GRIN2A: variants seen among roughly 807,000 people sequenced by gnomAD.
The protein encoded by GRIN2A is glutamate receptor ionotropic, NMDA 2A.
Under a neutral mutation model 113.4 loss-of-function variants are expected in GRIN2A, and 22 were observed. The observed-to-expected ratio is 0.19, with a 90% CI of 0.14 to 0.28. The LOEUF (loss-of-function observed/expected upper bound fraction) is 0.28, where lower values mean the gene tolerates loss of function less well. Among genes scored for constraint, GRIN2A ranks in the 10% least tolerant of loss-of-function variants. The probability of loss-of-function intolerance (pLI) is 1.00; values close to 1 mark genes in which losing one functional copy is unlikely to be tolerated. For synonymous variants in GRIN2A, 827 were observed against 738.4 expected (o/e 1.12, Z -1.94); for missense variants, 1,502 against 1,887.0 (o/e 0.80, Z 3.78).
Position 9,790,482 on chromosome 16 carries a change from C to T in GRIN2A, c.2356+7795G>A, listed in dbSNP as rs1012291365. On this transcript the variant is annotated intron_variant, in intron 11 of 12. Coordinates refer to ENST00000330684, the MANE Select transcript of GRIN2A (RefSeq NM_001134407.3). ...ATATATAATTCTGTTGGTTATATGC[C>T]TCATATTGCACATATTAAATATGTG... Among the ~76,000 whole-genome samples the T allele has an allele frequency of 2.0e-5, 3 of 152,086 alleles. No homozygotes were observed. In the East Asian group the frequency reaches 5.8e-4, roughly 29 times the overall value.
intron 2 of GRIN2A, chr16:10,111,622 G>A (rs1468147377): frequency 5.7e-5 from 79 of 1,388,878 alleles, no homozygotes; most frequent in Non-Finnish European, 7.1e-5. Context: ...CATGGCCATC[G>A]CGATGGCTCT....
chr16:10,052,021 C>T (rs992097519), intron 2 of GRIN2A, among the ~76,000 whole-genome samples: 1 of 152,204 alleles, frequency 6.6e-6, no homozygotes, highest in Admixed American at 6.5e-5. Context: ...TTACTGAAGA[C>T]TTCAAGGGGG....
At chr16:9,925,611 G>A (rs1427860729) in intron 3 of GRIN2A, among the ~76,000 whole-genome samples, 2 of 152,144 alleles carry the variant, frequency 1.3e-5, no homozygotes, top group Non-Finnish European at 2.9e-5. Flanking sequence ...CTCTCAAGGT[G>A]GTGAGTGGAG....
intron 2 of GRIN2A, among the ~76,000 whole-genome samples, chr16:9,983,277 G>A (rs775857047): frequency 4.6e-5 from 7 of 152,096 alleles, no homozygotes; most frequent in African/African-American, 1.7e-4. Context: ...CTGGCCTCTA[G>A]TAACCACTAA....
intron 2 of GRIN2A, among the ~76,000 whole-genome samples, chr16:9,949,019 G>C (rs1449833972): frequency 6.6e-6 from 1 of 152,142 alleles, no homozygotes; most frequent in Non-Finnish European, 1.5e-5. Context: ...ATGAGCAAGA[G>C]CTCCATGAAC....
chr16:9,794,419 G>C (rs1902835398), intron 11 of GRIN2A, among the ~76,000 whole-genome samples: 1 of 152,214 alleles, frequency 6.6e-6, no homozygotes, highest in Non-Finnish European at 1.5e-5. Context: ...TCAGCACTGT[G>C]CTCTTTACAC....
chr16:10,106,725 G>A lies in GRIN2A; in HGVS notation c.414+73273C>T, dbSNP rs139785365. On this transcript the variant is annotated intron_variant, in intron 2 of 12. Transcript: ENST00000330684. ...GCATTCCACGGACTTTGGGGAAGTT[G>A]GCTCCTTCACTTCTAGAGAAAAAAG... Among the ~76,000 whole-genome samples the A allele has an allele frequency of 2.3e-3, 349 of 152,268 alleles. 2 individuals carry two copies. The highest frequency in any genetic ancestry group is 8.1e-3 in the African/African-American group (337 of 41,540).
At chr16:10,130,544 A>G (rs1449834510) in intron 2 of GRIN2A, among the ~76,000 whole-genome samples, 1 of 152,132 alleles carries the variant, frequency 6.6e-6, no homozygotes, top group African/African-American at 2.4e-5. Context: ...CATCCTATTC[A>G]CTTTCTCCCC....
intron 2 of GRIN2A, among the ~76,000 whole-genome samples, chr16:10,133,903 C>A (rs1247644374): frequency 6.6e-6 from 1 of 152,118 alleles, no homozygotes; most frequent in Non-Finnish European, 1.5e-5. Context: ...GTTAGGCAGT[C>A]CGGATGCAGT....
rs115213041 is a variant in GRIN2A, at chr16:10,046,185, G to C, written c.415-107634C>G. On this transcript the variant is annotated intron_variant, in intron 2 of 12. Transcript: ENST00000330684. ...GTGGCATGAGAGGAAGTCATATTGA[G>C]GCCTTTTGAGAAATGTTCTCTCACT... 2.7e-3 allele frequency among the ~76,000 whole-genome samples: 409 copies of C among 152,160 alleles called. 3 individuals are homozygous for C. The highest frequency in any genetic ancestry group is 9.6e-3 in the African/African-American group (397 of 41,500).
intron 9 of GRIN2A, among the ~76,000 whole-genome samples, chr16:9,826,462 A>G (rs2042389354): frequency 6.6e-6 from 1 of 152,204 alleles, no homozygotes; most frequent in South Asian, 2.1e-4. Context: ...ATTTCACAGC[A>G]AGCACTAATG....
In GRIN2A at chr16:9,953,148, G is replaced by C. The variant is rs190916265; in HGVS notation, c.415-14597C>G. ...GAAAAGAGAGAAAGATCTGAACTAG[G>C]ATTGCTGCAATACAGATACACAAAA... On this transcript the variant is annotated intron_variant, in intron 2 of 12. Transcript: ENST00000330684. 3.7e-3 allele frequency among the ~76,000 whole-genome samples: 567 copies of C among 152,264 alleles called. 5 individuals are homozygous for C. The highest frequency in any genetic ancestry group is 6.8e-3 in the Middle Eastern group (2 of 294).
intron 8 of GRIN2A, among the ~76,000 whole-genome samples, chr16:9,830,037 C>T (rs2042460718): frequency 6.6e-6 from 1 of 152,220 alleles, no homozygotes; most frequent in African/African-American, 2.4e-5. Context: ...GGGACTGCTT[C>T]CAAATTCATC....
At chr16:9,829,928 G>A (rs1206042091) in intron 8 of GRIN2A, among the ~76,000 whole-genome samples, 2 of 152,180 alleles carry the variant, frequency 1.3e-5, no homozygotes, top group East Asian at 1.9e-4. Context: ...GTTTGAATAA[G>A]TAGTGTTATG....
intron 2 of GRIN2A, among the ~76,000 whole-genome samples, chr16:9,988,591 C>T (rs1354383127): frequency 6.6e-6 from 1 of 151,994 alleles, no homozygotes; most frequent in Non-Finnish European, 1.5e-5. Context: ...TTAGCAAAGA[C>T]AATGAATATT....
At chr16:9,936,886 T>A (rs896945223) in intron 3 of GRIN2A, among the ~76,000 whole-genome samples, 11 of 152,210 alleles carry the variant, frequency 7.2e-5, no homozygotes, top group African/African-American at 2.7e-4. Context: ...CACAAACTGT[T>A]GTTGTGACTA....
chr16:10,095,216 G>C (rs948497566), intron 2 of GRIN2A, among the ~76,000 whole-genome samples: 5 of 152,018 alleles, frequency 3.3e-5, no homozygotes, highest in Non-Finnish European at 7.4e-5. Flanking sequence ...CCCTGATCTT[G>C]GACTTCCAGC....
chr16:9,797,166 C>T (rs558747595), intron 11 of GRIN2A, among the ~76,000 whole-genome samples: 2 of 152,294 alleles, frequency 1.3e-5, no homozygotes, highest in African/African-American at 2.4e-5. Flanking sequence ...TTTTTCTCTC[C>T]CACCTGTAGC....
chr16:9,949,652 G>C (rs2045125209), intron 2 of GRIN2A, among the ~76,000 whole-genome samples: 2 of 150,502 alleles, frequency 1.3e-5, no homozygotes. Flanking sequence ...GGGATAAACA[G>C]ATGGACAGAT....
Sources: gnomAD v4.1 joint callset for allele counts (sites outside exome capture counted in the v4.1 genomes callset) on GRCh38, gnomAD v4.1.1 for gene constraint, MANE v1.5 for transcripts, NCBI Gene and HGNC (gene_info 2026-07-23, HGNC 2026-07-21) for gene names.